The following NRG1 variants were observed in gnomAD, a reference collection of about 807,000 sequenced individuals.
The protein encoded by NRG1 is pro-neuregulin-1, membrane-bound isoform.
Under a neutral mutation model 63.8 loss-of-function variants are expected in NRG1, and 18 were observed. The ratio of observed to expected loss-of-function variants is 0.28; its 90% confidence interval spans 0.19 to 0.42. The LOEUF is 0.42. Ranked by LOEUF, NRG1 falls within the 10% of genes least tolerant of loss-of-function variation. The pLI is 1.00. For synonymous variants in NRG1, 302 were observed against 301.3 expected, an observed-to-expected ratio of 1.00 and a Z score of -0.02; for missense variants, 762 against 814.7, an observed-to-expected ratio of 0.94 and a Z score of 0.79.
chr8:32,685,683 C>A (rs1390459899), intron 5 of NRG1, among the ~76,000 whole-genome samples: 2 of 152,182 alleles, frequency 1.3e-5, no homozygotes, highest in Non-Finnish European at 1.5e-5. Flanking sequence ...CACTAAAAAT[C>A]TTTGTGCTTC....
intron 1 of NRG1, among the ~76,000 whole-genome samples, chr8:32,255,006 G>A (rs1374616814): frequency 2.0e-5 from 3 of 152,120 alleles, no homozygotes; most frequent in Non-Finnish European, 4.4e-5. Flanking sequence ...TCAGAGACTA[G>A]GATTGCAACC....
At chr8:32,670,044 T>C (rs1805228650) in intron 5 of NRG1, among the ~76,000 whole-genome samples, 1 of 152,224 alleles carries the variant, frequency 6.6e-6, no homozygotes, top group Non-Finnish European at 1.5e-5. Context: ...TTTATGTCAT[T>C]AAATGTCCAA....
Position 32,285,431 on chromosome 8 carries a change from A to C in NRG1, c.38-310397A>C, listed in dbSNP as rs796705390. ...CAAAAGCATACAATTACAGGACCAGAAGACTCCTCAGTGATTATCTGGGAG... is the reference window on the plus strand; with the variant it reads ...CAAAAGCATACAATTACAGGACCAGCAGACTCCTCAGTGATTATCTGGGAG... On this transcript the variant is annotated intron_variant, in intron 1 of 10. Coordinates refer to the NRG1 transcript ENST00000519301. Among the ~76,000 whole-genome samples the C allele has an allele frequency of 3.1e-4, 47 of 152,318 alleles. 1 individual carries two copies. Among genetic ancestry groups the C allele is most frequent in the African/African-American group, 1.1e-3 (45 of 41,566 alleles).
At chr8:31,898,423 A>G (rs1288152469) in intron 1 of NRG1, among the ~76,000 whole-genome samples, 1 of 152,224 alleles carries the variant, frequency 6.6e-6, no homozygotes, top group Non-Finnish European at 1.5e-5. Flanking sequence ...AGATAGAGAA[A>G]CTGAGGCTCA....
At chr8:31,676,546 T>C (rs1193683056) in intron 1 of NRG1, among the ~76,000 whole-genome samples, 1 of 152,166 alleles carries the variant, frequency 6.6e-6, no homozygotes, top group Non-Finnish European at 1.5e-5. Flanking sequence ...CAACAGCTTG[T>C]TAAAAATGCA....
At chr8:32,471,737 CAG>C (rs942118700) in intron 1 of NRG1, among the ~76,000 whole-genome samples, 1 of 152,094 alleles carries the variant, frequency 6.6e-6, no homozygotes, top group African/African-American at 2.4e-5. Flanking sequence ...TGTACTTGTT[CAG>C]AGTCTATTCT....
At chr8:32,297,545 T>C (rs1855039674) in intron 1 of NRG1, among the ~76,000 whole-genome samples, 1 of 152,212 alleles carries the variant, frequency 6.6e-6, no homozygotes, top group African/African-American at 2.4e-5. Context: ...GCTACTTTCC[T>C]TGGACCCTTT....
intron 1 of NRG1, among the ~76,000 whole-genome samples, chr8:32,339,299 A>G (rs937271984): frequency 2.0e-5 from 3 of 152,104 alleles, no homozygotes; most frequent in Non-Finnish European, 4.4e-5. Context: ...AAACTTACCT[A>G]TTTCATCAGT....
chr8:31,968,963 G>A (rs1806830747), intron 1 of NRG1, among the ~76,000 whole-genome samples: 1 of 152,184 alleles, frequency 6.6e-6, no homozygotes, highest in Admixed American at 6.5e-5. Context: ...TCTGCTCACA[G>A]CATCTCATCT....
chr8:32,738,670 T>C (rs1171079200), intron 6 of NRG1, among the ~76,000 whole-genome samples: 1 of 152,214 alleles, frequency 6.6e-6, no homozygotes, highest in Non-Finnish European at 1.5e-5. Flanking sequence ...CCCTAGTCTG[T>C]TAGAAGTAAT....
chr8:32,610,530 A>C (rs1250438624), intron 3 of NRG1, among the ~76,000 whole-genome samples: 2 of 152,190 alleles, frequency 1.3e-5, no homozygotes, highest in Admixed American at 6.5e-5. Context: ...AATATAAACG[A>C]AATGATTAAA....
intron 1 of NRG1, among the ~76,000 whole-genome samples, chr8:31,870,561 T>G (rs1296384927): frequency 6.6e-6 from 1 of 152,114 alleles, no homozygotes; most frequent in Non-Finnish European, 1.5e-5. Context: ...TTTATTAATA[T>G]TTTTTGATTA....
chr8:31,936,849 A>G (rs1391498420), intron 1 of NRG1, among the ~76,000 whole-genome samples: 1 of 152,252 alleles, frequency 6.6e-6, no homozygotes, highest in African/African-American at 2.4e-5. Flanking sequence ...TGCATGTCAT[A>G]AGAACTTTAA....
chr8:31,986,552 G>C (rs1181287507), intron 1 of NRG1, among the ~76,000 whole-genome samples: 1 of 152,086 alleles, frequency 6.6e-6, no homozygotes, highest in Non-Finnish European at 1.5e-5. Context: ...GGAGACAATG[G>C]AGCATGAAAT....
At chr8:31,652,278 T>G (rs989242980) in intron 1 of NRG1, among the ~76,000 whole-genome samples, 3 of 152,212 alleles carry the variant, frequency 2.0e-5, no homozygotes, top group Non-Finnish European at 2.9e-5. Flanking sequence ...CTTCCCTCAC[T>G]TCAACTTCTC....
chr8:32,297,219 T>C lies in NRG1; in HGVS notation c.38-298609T>C, dbSNP rs373852160. On this transcript the variant is annotated intron_variant, in intron 1 of 10. Transcript: ENST00000519301. ...ATTTAAAAATTTCTAGATTTCTCTG[T>C]AAAATCCTGGGAAAATCAAGGCAAG... Among the ~76,000 whole-genome samples the C allele has an allele frequency of 1.3e-3, 203 of 152,274 alleles. 1 individual carries two copies. Among genetic ancestry groups the C allele is most frequent in the African/African-American group, 4.6e-3 (191 of 41,576 alleles).
intron 1 of NRG1, among the ~76,000 whole-genome samples, chr8:31,949,814 C>T (rs768475970): frequency 3.9e-5 from 6 of 152,108 alleles, no homozygotes; most frequent in Non-Finnish European, 8.8e-5. Flanking sequence ...TCTCAGTATC[C>T]CAAACGTAGT....
intron 1 of NRG1, among the ~76,000 whole-genome samples, chr8:32,430,262 C>T (rs1817956565): frequency 6.6e-6 from 1 of 152,104 alleles, no homozygotes; most frequent in Admixed American, 6.6e-5. Context: ...ATTCTGGATT[C>T]CTTAAATATA....
intron 1 of NRG1, among the ~76,000 whole-genome samples, chr8:32,500,308 A>ATATTTCCCTTTTC (rs1444842458): frequency 3.9e-5 from 6 of 152,290 alleles, no homozygotes; most frequent in South Asian, 4.1e-4. Flanking sequence ...ATACCTATAG[A>ATATTTCCCTTTTC]TTGGGGTGAA....
Sources: allele counts gnomAD v4.1 joint callset (sites outside exome capture counted in the v4.1 genomes callset), GRCh38; gene constraint gnomAD v4.1.1; transcripts MANE v1.5; gene names NCBI Gene and HGNC (gene_info 2026-07-23, HGNC 2026-07-21).